Variants in CLOCK observed in about 807,000 individuals in gnomAD.
CLOCK encodes the protein clock circadian regulator, also known as circadian locomoter output cycles protein kaput.
CLOCK carries 43 observed loss-of-function variants against 118.4 expected under a neutral mutation model. The observed-to-expected ratio is 0.36, with a 90% confidence interval of 0.28 to 0.47. The LOEUF is 0.47. Among genes scored for constraint, CLOCK ranks in the 20% least tolerant of loss-of-function variants. The pLI is 1.00. For synonymous variants in CLOCK, 326 were observed against 339.2 expected (o/e 0.96, Z 0.43); for missense variants, 846 against 999.9 (o/e 0.85, Z 2.08).
intron 19 of CLOCK, 128 bp downstream of exon 19, chr4:55,444,505 G>A (rs1248043102): frequency 1.7e-5 from 19 of 1,101,058 alleles, no homozygotes; most frequent in Non-Finnish European, 2.6e-5. Flanking sequence ...GGTAACCAGT[G>A]AATATTTATT....
At chr4:55,449,901 C>A (rs1463514778) in intron 16 of CLOCK, among the ~76,000 whole-genome samples, 190 bp downstream of exon 16, 1 of 152,158 alleles carries the variant, frequency 6.6e-6, no homozygotes, top group Non-Finnish European at 1.5e-5. Flanking sequence ...TTTTAATAGG[C>A]TACTTGAAGA....
At position 55,432,247 on chromosome 4, in the gene CLOCK, C is replaced by G. The variant is rs6834676; in HGVS notation, c.*3168G>C. 104,600 of 151,904 alleles carry G rather than the reference C, an allele frequency of 0.69. 36,282 individuals are homozygous for G. Among genetic ancestry groups the G allele is most frequent in the South Asian group, 0.81 (3,915 of 4,814 alleles). The allele number at this position is 151,904 out of a possible 1,614,324, so 9.4% of individuals were successfully genotyped here. On this transcript the variant is annotated 3_prime_UTR_variant, in exon 23 of 23. Transcript: ENST00000513440. Reference sequence around the variant, plus strand: ...AAAATGAAGTACTTTTTAAGTGTCTCGGTTCTGGTTTGACACCACTCTAAG... The same window carrying G: ...AAAATGAAGTACTTTTTAAGTGTCTGGGTTCTGGTTTGACACCACTCTAAG...
At chr4:55,504,723 T>C (rs1374885211) in intron 2 of CLOCK, among the ~76,000 whole-genome samples, 2 of 152,150 alleles carry the variant, frequency 1.3e-5, no homozygotes, top group Non-Finnish European at 2.9e-5. Flanking sequence ...GACCCTACGA[T>C]TAAAATAACT....
At chr4:55,476,735 C>T (rs890105879) in intron 6 of CLOCK, among the ~76,000 whole-genome samples, 25 of 152,118 alleles carry the variant, frequency 1.6e-4, no homozygotes, top group Admixed American at 5.9e-4. Context: ...TATTTCACTA[C>T]ATACTTCTAA....
chr4:55,465,418 C>T (rs2109831576), intron 8 of CLOCK, among the ~76,000 whole-genome samples: 3 of 152,286 alleles, frequency 2.0e-5, no homozygotes, highest in Middle Eastern at 3.4e-3. Context: ...TGTCTATGTC[C>T]TGTTGCCCTA....
In CLOCK at chr4:55,541,034, T is replaced by A. The variant is rs78156074; in HGVS notation, c.-290+5748A>T. ...AATTTCATTTTTCACAAGTGATTTC[T>A]GTAGACTTCTAAGACTTAAAATTAA... On this transcript the variant is annotated intron_variant, in intron 1 of 22. Coordinates refer to ENST00000513440, the MANE Select transcript of CLOCK (RefSeq NM_004898.4). 1.8e-4 allele frequency among the ~76,000 whole-genome samples: 28 copies of A among 152,362 alleles called. No homozygotes were observed. In the South Asian group the frequency reaches 4.8e-3, roughly 26 times the overall value.
At chr4:55,518,933 AC>A (rs979845790) in intron 1 of CLOCK, among the ~76,000 whole-genome samples, 1 of 152,190 alleles carries the variant, frequency 6.6e-6, no homozygotes, top group Non-Finnish European at 1.5e-5. Context: ...TCATGTCAAT[AC>A]ATTTTCCTCA....
intron 2 of CLOCK, among the ~76,000 whole-genome samples, chr4:55,502,532 A>G (rs1728508102): frequency 6.6e-6 from 1 of 152,234 alleles, no homozygotes; most frequent in South Asian, 2.1e-4. Flanking sequence ...TGAGGCTTAC[A>G]TATATCACAC....
intron 22 of CLOCK, among the ~76,000 whole-genome samples, chr4:55,436,602 C>A (rs972509979): frequency 1.3e-5 from 2 of 152,158 alleles, no homozygotes; most frequent in African/African-American, 2.4e-5. Context: ...ATGAAAGAAA[C>A]ATGCACAAAC....
intron 6 of CLOCK, among the ~76,000 whole-genome samples, chr4:55,478,076 A>C (rs915561919): frequency 6.6e-6 from 1 of 152,094 alleles, no homozygotes; most frequent in Non-Finnish European, 1.5e-5. Context: ...AGAGGCACTA[A>C]TTACTAACTG....
At chr4:55,459,627 T>A (rs1228592720) in intron 9 of CLOCK, among the ~76,000 whole-genome samples, 1 of 151,850 alleles carries the variant, frequency 6.6e-6, no homozygotes, top group Non-Finnish European at 1.5e-5. Context: ...CACATCACTG[T>A]TCCTTATTCC....
At chr4:55,449,567 G>T in intron 16 of CLOCK, 71 bp from the exon 17 acceptor site, 2 of 1,284,114 alleles carry the variant, frequency 1.6e-6, no homozygotes, top group Non-Finnish European at 2.3e-6. Flanking sequence ...ATCTCAAAAT[G>T]TATTTCAGTT....
rs963941274 is a variant in CLOCK, at chr4:55,493,739, T to G, written c.-135-4274A>C. ...GATATTGGCAAAATAAAACACATAT[T>G]TGGTTTTACAGCTATCTCTACAATC... On this transcript the variant is annotated intron_variant, in intron 2 of 22. Transcript: ENST00000513440. 2.0e-5 allele frequency among the ~76,000 whole-genome samples: 3 copies of G among 152,148 alleles called. 1 individual carries two copies. Among genetic ancestry groups the G allele is most frequent in the Admixed American group, 2.0e-4 (3 of 15,268 alleles).
intron 5 of CLOCK, 50 bp from the exon 6 acceptor site, chr4:55,479,013 A>C: frequency 7.1e-7 from 1 of 1,417,138 alleles, no homozygotes; most frequent in Non-Finnish European, 9.7e-7. Context: ...TTAATTACAC[A>C]AGTAGTTTAA....
chr4:55,490,383 G>A (rs1654830849), intron 2 of CLOCK, among the ~76,000 whole-genome samples: 1 of 151,878 alleles, frequency 6.6e-6, no homozygotes, highest in Admixed American at 6.6e-5. Flanking sequence ...AACATCAATA[G>A]AACTGAAGGG....
At chr4:55,478,726 C>A in intron 6 of CLOCK, 89 bp downstream of exon 6, 2 of 1,304,904 alleles carry the variant, frequency 1.5e-6, no homozygotes, top group South Asian at 1.2e-5. Context: ...CTTAAAAAAG[C>A]CAAGGAAGCA....
chr4:55,429,877 G>C lies in CLOCK; in HGVS notation c.*5538C>G, dbSNP rs1224533859. ...GGAAGTGCAGGGGCATCTGGAGTTG[G>C]CCCCTCCACTGCCGTCCTGAAGTAA... On this transcript the variant is annotated 3_prime_UTR_variant, in exon 23 of 23. Transcript: ENST00000513440. The C allele has an allele frequency of 2.0e-5, 3 of 152,148 alleles. No individual in the cohort carries two copies. The highest frequency in any genetic ancestry group is 2.0e-4 in the Admixed American group (3 of 15,286). The allele number at this position is 152,148 out of a possible 1,614,324, so 9.4% of individuals were successfully genotyped here.
At chr4:55,543,046 T>C (rs1026186259) in intron 1 of CLOCK, among the ~76,000 whole-genome samples, 3 of 152,094 alleles carry the variant, frequency 2.0e-5, no homozygotes, top group Admixed American at 1.3e-4. Flanking sequence ...CCCAATTAGC[T>C]GAAACTACGG....
Position 55,431,272 on chromosome 4 carries a change from C to T in CLOCK, c.*4143G>A, listed in dbSNP as rs560010915. On this transcript the variant is annotated 3_prime_UTR_variant, in exon 23 of 23. Transcript: ENST00000513440. ...GTAGGCTGACAATAGGCACATTACC[C>T]ATGCGGATGAGGCTATACTAGTGCT... 1 of 152,244 alleles carries T rather than the reference C, an allele frequency of 6.6e-6. No individual in the cohort carries two copies. Among genetic ancestry groups the T allele is most frequent in the East Asian group, 1.9e-4 (1 of 5,182 alleles). 9.4% of individuals were successfully genotyped at this position (152,244 alleles called of 1,614,324 possible).
Sources: allele counts gnomAD v4.1 joint callset (sites outside exome capture counted in the v4.1 genomes callset), GRCh38; gene constraint gnomAD v4.1.1; transcripts MANE v1.5; gene names NCBI Gene and HGNC (gene_info 2026-07-23, HGNC 2026-07-21).